KCNQ1OT1: variants seen among roughly 807,000 people sequenced by gnomAD.
KCNQ1OT1 encodes the protein KCNQ1 antisense RNA 2 (non-protein coding).
At chr11:2,614,590 G>A (rs1205913554) in exon 1 of KCNQ1OT1, 6 of 398,250 alleles carry the variant, frequency 1.5e-5, no homozygotes, top group Non-Finnish European at 2.7e-5. Context: ...TTCATTCTTT[G>A]ATATATGAGG....
chr11:2,654,319 G>A lies in KCNQ1OT1; in HGVS notation n.45676C>T. On this transcript the variant is annotated non_coding_transcript_exon_variant, in exon 1 of 1. Coordinates refer to ENST00000597346, the Ensembl canonical transcript of KCNQ1OT1. This position sits in a 1 kb window ranked among gnomAD's most constrained non-coding sequence, Gnocchi z 6.4. ...AGGGGGAGATTTCTTGAGGGGGCCAGGGAGGGGGCTTCTACTTGCAAAGGA... is the reference window on the plus strand; with the variant it reads ...AGGGGGAGATTTCTTGAGGGGGCCAAGGAGGGGGCTTCTACTTGCAAAGGA... The A allele has an allele frequency of 2.5e-6, 1 of 398,932 alleles. No homozygotes were observed. The highest frequency in any genetic ancestry group is 4.4e-6 in the Non-Finnish European group (1 of 226,322). The allele number at this position is 398,932 out of a possible 1,614,324, so 24.7% of individuals were successfully genotyped here.
chr11:2,654,639 G>C lies in KCNQ1OT1; in HGVS notation n.45356C>G. 1 of 398,838 alleles carries C rather than the reference G, an allele frequency of 2.5e-6. No homozygotes were observed. 24.7% of individuals were successfully genotyped at this position (398,838 alleles called of 1,614,324 possible). On this transcript the variant is annotated non_coding_transcript_exon_variant, in exon 1 of 1. Transcript: ENST00000597346. This position sits in a 1 kb window ranked among gnomAD's most constrained non-coding sequence, Gnocchi z 6.4. The stretch of plus-strand genomic sequence containing the variant: ...CTAGGAAGGGCCCAGACACTGGCGA[G>C]AGTCTCTTGAGGGCAGAGGGCAGCA...
In KCNQ1OT1 at chr11:2,659,378, C is replaced by A; in HGVS notation, n.40617G>T. 2 of 398,588 alleles carry A rather than the reference C, an allele frequency of 5.0e-6. No homozygotes were observed. Among genetic ancestry groups the A allele is most frequent in the African/African-American group, 2.1e-5 (1 of 48,760 alleles). The allele number at this position is 398,588 out of a possible 1,614,324, so 24.7% of individuals were successfully genotyped here. Reference sequence around the variant, plus strand: ...ATATGTATTCTTTTGCATCTGGCTTCTTTCACTGCTTAGCAAAATGCATTT... The same window carrying A: ...ATATGTATTCTTTTGCATCTGGCTTATTTCACTGCTTAGCAAAATGCATTT... On this transcript the variant is annotated non_coding_transcript_exon_variant, in exon 1 of 1. Transcript: ENST00000597346. The surrounding 1 kb of genome is among the most constrained non-coding windows in gnomAD (Gnocchi z 4.3).
exon 1 of KCNQ1OT1, chr11:2,628,819 AT>A (rs772810133): frequency 2.5e-6 from 1 of 398,122 alleles, no homozygotes. Flanking sequence ...TTCCAATTTA[AT>A]TTTTTTGCAT....
rs1158987230 is a variant in KCNQ1OT1, at chr11:2,690,258, C to G, written n.9737G>C. 1 of 398,640 alleles carries G rather than the reference C, an allele frequency of 2.5e-6. No homozygotes were observed. Among genetic ancestry groups the G allele is most frequent in the African/African-American group, 2.1e-5 (1 of 48,634 alleles). The allele number at this position is 398,640 out of a possible 1,614,324, so 24.7% of individuals were successfully genotyped here. The stretch of plus-strand genomic sequence containing the variant: ...AGTCATTCCATGTGGCTGAGCTGCT[C>G]CTTGCTGCATCTGCACATATGTGTA... On this transcript the variant is annotated non_coding_transcript_exon_variant, in exon 1 of 1. Coordinates refer to ENST00000597346, the Ensembl canonical transcript of KCNQ1OT1. The surrounding 1 kb of genome is among the most constrained non-coding windows in gnomAD (Gnocchi z 5.1).
chr11:2,667,469 G>A (rs1850098993), exon 1 of KCNQ1OT1: 1 of 398,682 alleles, frequency 2.5e-6, no homozygotes, highest in Non-Finnish European at 4.4e-6. Context: ...AGATGGTGTT[G>A]GAGGATGTGA....
rs1181054992 is a variant in KCNQ1OT1, at chr11:2,676,552, T to G, written n.23443A>C. 1.5e-5 allele frequency: 6 copies of G among 398,538 alleles called. No homozygotes were observed. The highest frequency in any genetic ancestry group is 2.7e-5 in the Non-Finnish European group (6 of 226,082). The allele number at this position is 398,538 out of a possible 1,614,324, so 24.7% of individuals were successfully genotyped here. Reference sequence around the variant, plus strand: ...TAGAGGTAGTGGTACAGGAAAGGTCTAAGAAGGCTAAGGACCATCATACTG... The same window carrying G: ...TAGAGGTAGTGGTACAGGAAAGGTCGAAGAAGGCTAAGGACCATCATACTG... On this transcript the variant is annotated non_coding_transcript_exon_variant, in exon 1 of 1. Transcript: ENST00000597346. This position sits in a 1 kb window ranked among gnomAD's most constrained non-coding sequence, Gnocchi z 4.2.
chr11:2,620,199 G>A lies in KCNQ1OT1; in HGVS notation n.79796C>T, dbSNP rs923355191. The A allele has an allele frequency of 1.4e-5, 4 of 295,274 alleles. No homozygotes were observed. The highest frequency in any genetic ancestry group is 8.6e-4 in the Middle Eastern group (1 of 1,168). 18.3% of individuals were successfully genotyped at this position (295,274 alleles called of 1,614,324 possible). A position where few individuals can be genotyped will look rare whatever the true frequency, so the allele number is the denominator to read the frequency against. ...CTGCAAAGGACGTAAGTTCATTCAT[G>A]TATATATATATATTTTTTTTTTTTA... On this transcript the variant is annotated non_coding_transcript_exon_variant, in exon 1 of 1. Coordinates refer to ENST00000597346, the Ensembl canonical transcript of KCNQ1OT1. The surrounding 1 kb of genome is among the most constrained non-coding windows in gnomAD (Gnocchi z 4.5).
At position 2,624,234 on chromosome 11, in the gene KCNQ1OT1, T is replaced by G; in HGVS notation, n.75761A>C. 1 of 398,608 alleles carries G rather than the reference T, an allele frequency of 2.5e-6. No individual in the cohort carries two copies. The highest frequency in any genetic ancestry group is 3.6e-5 in the East Asian group (1 of 28,068). 24.7% of individuals were successfully genotyped at this position (398,608 alleles called of 1,614,324 possible). On this transcript the variant is annotated non_coding_transcript_exon_variant, in exon 1 of 1. Transcript: ENST00000597346. The surrounding 1 kb of genome is among the most constrained non-coding windows in gnomAD (Gnocchi z 4.9). ...TATATCTTCATTGGTGAGATGTCTG[T>G]TAAGGTCTTCAGTCCATTTTGTAAT...
exon 1 of KCNQ1OT1, chr11:2,686,947 C>G (rs1028976415): frequency 1.3e-5 from 5 of 398,494 alleles, no homozygotes. Flanking sequence ...CGGAGCATGC[C>G]CAGCTTACCA....
exon 1 of KCNQ1OT1, chr11:2,672,179 T>C: frequency 2.5e-6 from 1 of 398,696 alleles, no homozygotes; most frequent in Non-Finnish European, 4.4e-6. Context: ...GTGTTTTCTT[T>C]AGGTTCATGT....
rs1331667656 is a variant in KCNQ1OT1, at chr11:2,621,240, A to C, written n.78755T>G. 2.5e-6 allele frequency: 1 copy of C among 398,050 alleles called. No individual in the cohort carries two copies. The highest frequency in any genetic ancestry group is 2.1e-5 in the African/African-American group (1 of 48,688). 24.7% of individuals were successfully genotyped at this position (398,050 alleles called of 1,614,324 possible). ...TGATCCACGCACCTCAGCCTCCCAA[A>C]GTGCTAGGACTACAGGCATGAGCCA... On this transcript the variant is annotated non_coding_transcript_exon_variant, in exon 1 of 1. Coordinates refer to ENST00000597346, the Ensembl canonical transcript of KCNQ1OT1. This position sits in a 1 kb window ranked among gnomAD's most constrained non-coding sequence, Gnocchi z 5.7.
chr11:2,645,064 G>C lies in KCNQ1OT1; in HGVS notation n.54931C>G. ...TTGCTCAGGTGCCAATGATGACAGA[G>C]CTGGGCCACAGGGTGGGTAGGTCCT... On this transcript the variant is annotated non_coding_transcript_exon_variant, in exon 1 of 1. Transcript: ENST00000597346. This position sits in a 1 kb window ranked among gnomAD's most constrained non-coding sequence, Gnocchi z 5.8. 2.5e-6 allele frequency: 1 copy of C among 398,710 alleles called. No homozygotes were observed. Among genetic ancestry groups the C allele is most frequent in the Middle Eastern group, 6.3e-4 (1 of 1,588 alleles). The allele number at this position is 398,710 out of a possible 1,614,324, so 24.7% of individuals were successfully genotyped here. A position where few individuals can be genotyped will look rare whatever the true frequency, so the allele number is the denominator to read the frequency against.
Position 2,677,262 on chromosome 11 carries a change from A to G in KCNQ1OT1, n.22733T>C, listed in dbSNP as rs1850309774. On this transcript the variant is annotated non_coding_transcript_exon_variant, in exon 1 of 1. Coordinates refer to ENST00000597346, the Ensembl canonical transcript of KCNQ1OT1. This position sits in a 1 kb window ranked among gnomAD's most constrained non-coding sequence, Gnocchi z 4.5. The stretch of plus-strand genomic sequence containing the variant: ...ACACACAAAGTAAAGAGGAACTTAT[A>G]AAGAGGAACTGTAAATCTTGTCAAA... The G allele has an allele frequency of 2.5e-6, 1 of 398,514 alleles. No homozygotes were observed. Among genetic ancestry groups the G allele is most frequent in the Admixed American group, 4.4e-5 (1 of 22,712 alleles). 24.7% of individuals were successfully genotyped at this position (398,514 alleles called of 1,614,324 possible). A position where few individuals can be genotyped will look rare whatever the true frequency, so the allele number is the denominator to read the frequency against.
At position 2,669,090 on chromosome 11, in the gene KCNQ1OT1, C is replaced by A; in HGVS notation, n.30905G>T. On this transcript the variant is annotated non_coding_transcript_exon_variant, in exon 1 of 1. Transcript: ENST00000597346. This position sits in a 1 kb window ranked among gnomAD's most constrained non-coding sequence, Gnocchi z 5.6. ...CTACCCTGCCGTATCAGTGTCTTTACAATCAGCTCACTGGCTACGTGTGGC... is the reference window on the plus strand; with the variant it reads ...CTACCCTGCCGTATCAGTGTCTTTAAAATCAGCTCACTGGCTACGTGTGGC... 1 of 398,742 alleles carries A rather than the reference C, an allele frequency of 2.5e-6. No individual in the cohort carries two copies. Among genetic ancestry groups the A allele is most frequent in the Non-Finnish European group, 4.4e-6 (1 of 226,116 alleles). 24.7% of individuals were successfully genotyped at this position (398,742 alleles called of 1,614,324 possible).
At chr11:2,672,049 C>T (rs1160771920) in exon 1 of KCNQ1OT1, 2 of 398,572 alleles carry the variant, frequency 5.0e-6, no homozygotes, top group African/African-American at 4.1e-5. Context: ...TGCACTCAAG[C>T]CCAGTATCCT....
At position 2,648,569 on chromosome 11, in the gene KCNQ1OT1, T is replaced by A. The variant is rs73417386; in HGVS notation, n.51426A>T. On this transcript the variant is annotated non_coding_transcript_exon_variant, in exon 1 of 1. Coordinates refer to ENST00000597346, the Ensembl canonical transcript of KCNQ1OT1. The stretch of plus-strand genomic sequence containing the variant: ...GAACATGTAGTTTGATTTCCGTGTA[T>A]CTGTTCAATTTCAGAAGTTCCTCTT... 1.3e-3 allele frequency: 506 copies of A among 398,550 alleles called. 3 individuals carry two copies. The highest frequency in any genetic ancestry group is 9.4e-3 in the African/African-American group (456 of 48,748). 24.7% of individuals were successfully genotyped at this position (398,550 alleles called of 1,614,324 possible).
In KCNQ1OT1 at chr11:2,647,908, C is replaced by T. The variant is rs555758192; in HGVS notation, n.52087G>A. ...GTCTAGCTAATGGTTTATTGATTTTCTCTTTTCAAAAAATCAGTTTTTTGG... is the reference window on the plus strand; with the variant it reads ...GTCTAGCTAATGGTTTATTGATTTTTTCTTTTCAAAAAATCAGTTTTTTGG... On this transcript the variant is annotated non_coding_transcript_exon_variant, in exon 1 of 1. Coordinates refer to ENST00000597346, the Ensembl canonical transcript of KCNQ1OT1. This position sits in a 1 kb window ranked among gnomAD's most constrained non-coding sequence, Gnocchi z 4.0. 2.5e-6 allele frequency: 1 copy of T among 398,238 alleles called. No individual in the cohort carries two copies. Among genetic ancestry groups the T allele is most frequent in the Non-Finnish European group, 4.4e-6 (1 of 225,978 alleles). The allele number at this position is 398,238 out of a possible 1,614,324, so 24.7% of individuals were successfully genotyped here.
chr11:2,645,903 G>A lies in KCNQ1OT1; in HGVS notation n.54092C>T, dbSNP rs183956762. On this transcript the variant is annotated non_coding_transcript_exon_variant, in exon 1 of 1. Coordinates refer to ENST00000597346, the Ensembl canonical transcript of KCNQ1OT1. This position sits in a 1 kb window ranked among gnomAD's most constrained non-coding sequence, Gnocchi z 5.8. ...TCTCCCTCTCTGGGAGCTGTTCATT[G>A]CCATTTCACAGTCTGTAGGTAGCCT... 83 of 398,624 alleles carry A rather than the reference G, an allele frequency of 2.1e-4. No individual in the cohort carries two copies. Among genetic ancestry groups the A allele is most frequent in the Admixed American group, 7.0e-4 (16 of 22,734 alleles). 24.7% of individuals were successfully genotyped at this position (398,624 alleles called of 1,614,324 possible).
Sources: allele counts gnomAD v4.1 joint callset, GRCh38; gene constraint gnomAD v4.1.1; non-coding constraint Gnocchi (gnomAD v3.1); transcripts MANE v1.5; gene names NCBI Gene and HGNC (gene_info 2026-07-23, HGNC 2026-07-21).